SPATA13: variants seen among roughly 807,000 people sequenced by gnomAD.
The protein encoded by SPATA13 is spermatogenesis associated 13, also known as spermatogenesis-associated protein 13.
Under a neutral mutation model 104.0 loss-of-function variants are expected in SPATA13, and 50 were observed. The ratio of observed to expected loss-of-function variants is 0.48; its 90% confidence interval spans 0.38 to 0.61. The LOEUF is 0.61. Ranked by LOEUF, SPATA13 falls within the 20% of genes least tolerant of loss-of-function variation. The pLI is 0.00. For missense variants in SPATA13, 1,524 were observed against 1,690.6 expected (o/e 0.90, Z 1.73); for synonymous variants, 606 against 667.5 (o/e 0.91, Z 1.42).
chr13:24,066,113 C>A (rs1878954172), intron 3 of SPATA13, among the ~76,000 whole-genome samples: 1 of 152,118 alleles, frequency 6.6e-6, no homozygotes. Context: ...AAGGTACATA[C>A]CTATATTGTA....
Position 24,222,003 on chromosome 13 carries a change from A to G in SPATA13, c.-111-816A>G, listed in dbSNP as rs183458948. ...AATTTTTGAATTTTTAGTAGAGATG[A>G]GGTTTCATGATATTGGCCAGGCTGG... On this transcript the variant is annotated intron_variant, in intron 1 of 12. Coordinates refer to ENST00000382108, the MANE Select transcript of SPATA13 (RefSeq NM_001166271.3). 7.2e-5 allele frequency among the ~76,000 whole-genome samples: 11 copies of G among 151,982 alleles called. No individual in the cohort carries two copies. The East Asian group carries it at 1.9e-3, about 27-fold the overall frequency.
intron 3 of SPATA13, among the ~76,000 whole-genome samples, chr13:24,129,585 G>C (rs1181874079): frequency 6.6e-6 from 1 of 152,200 alleles, no homozygotes; most frequent in Non-Finnish European, 1.5e-5. Flanking sequence ...GCTGGTGCCT[G>C]CCTGAAGTCA....
intron 2 of SPATA13, among the ~76,000 whole-genome samples, chr13:24,246,239 A>G (rs556063471): frequency 4.6e-4 from 70 of 152,304 alleles, no homozygotes; most frequent in Non-Finnish European, 7.6e-4. Context: ...TTTTTATTAC[A>G]GGGCAATAAT....
chr13:24,062,912 G>A (rs1178638098), intron 3 of SPATA13, among the ~76,000 whole-genome samples: 6 of 152,126 alleles, frequency 3.9e-5, no homozygotes, highest in African/African-American at 1.2e-4. Context: ...GCATTCTGTG[G>A]TCATGATCCT....
At chr13:24,276,842 G>A (rs993368371) in intron 4 of SPATA13, among the ~76,000 whole-genome samples, 1 of 152,184 alleles carries the variant, frequency 6.6e-6, no homozygotes, top group African/African-American at 2.4e-5. Flanking sequence ...ACATGTAGAG[G>A]TGAAGAAGGC....
At chr13:24,118,979 T>C (rs1566110492) in intron 3 of SPATA13, among the ~76,000 whole-genome samples, 1 of 150,460 alleles carries the variant, frequency 6.6e-6, no homozygotes, top group Non-Finnish European at 1.5e-5. Flanking sequence ...GATCTCGGCT[T>C]ACTGCAACCT....
intron 4 of SPATA13, among the ~76,000 whole-genome samples, chr13:24,275,979 CA>C (rs1266382507): frequency 2.0e-5 from 3 of 152,134 alleles, no homozygotes; most frequent in Non-Finnish European, 1.5e-5. Flanking sequence ...ATTTTTTCAA[CA>C]AAAGAAACTA....
intron 3 of SPATA13, among the ~76,000 whole-genome samples, chr13:24,101,790 T>C (rs1310753365): frequency 6.6e-6 from 1 of 152,232 alleles, no homozygotes; most frequent in African/African-American, 2.4e-5. Context: ...ATGTCATCTG[T>C]GCTGTGGTAT....
chr13:24,219,084 C>G (rs1871427768), intron 1 of SPATA13, among the ~76,000 whole-genome samples: 1 of 150,826 alleles, frequency 6.6e-6, no homozygotes, highest in Non-Finnish European at 1.5e-5. Context: ...TCACAATATT[C>G]CTATCTGAAA....
intron 1 of SPATA13, among the ~76,000 whole-genome samples, chr13:24,218,834 A>G (rs796586731): frequency 3.5e-4 from 53 of 152,154 alleles, no homozygotes; most frequent in African/African-American, 1.2e-3. Context: ...CCTGATGTAC[A>G]TGATGAGTAT....
chr13:24,237,886 T>TATGC (rs1872644265), intron 2 of SPATA13, among the ~76,000 whole-genome samples: 1 of 85,226 alleles, frequency 1.2e-5, no homozygotes, highest in African/African-American at 4.1e-5. Flanking sequence ...ATATCATTTA[T>TATGC]AATATATAAA....
chr13:23,982,807 C>T (rs993855926), intron 1 of SPATA13, among the ~76,000 whole-genome samples: 5 of 152,104 alleles, frequency 3.3e-5, no homozygotes, highest in African/African-American at 1.2e-4. Context: ...ATCTTCTGAC[C>T]GTGTCACATG....
chr13:24,026,819 C>T (rs1489433149), intron 3 of SPATA13, among the ~76,000 whole-genome samples: 4 of 7,966 alleles, frequency 5.0e-4, no homozygotes, highest in Non-Finnish European at 1.2e-3. Context: ...CCTCGTGATC[C>T]GCCCTTGTGA....
chr13:24,286,534 T>G lies in SPATA13; in HGVS notation c.2481+141T>G, dbSNP rs1161338593. On this transcript the variant is annotated intron_variant, in intron 6 of 12. Transcript: ENST00000382108. This position sits in a 1 kb window ranked among gnomAD's most constrained non-coding sequence, Gnocchi z 4.9. Reference sequence around the variant, plus strand: ...AAGTCACACCTGTAAGAAATTAGGCTGGGTCGGAGCAAAAATGTTAAAGGC... The same window carrying G: ...AAGTCACACCTGTAAGAAATTAGGCGGGGTCGGAGCAAAAATGTTAAAGGC... 1.9e-6 allele frequency: 2 copies of G among 1,031,370 alleles called. No individual in the cohort carries two copies. Among genetic ancestry groups the G allele is most frequent in the African/African-American group, 3.3e-5 (2 of 61,516 alleles). The allele number at this position is 1,031,370 out of a possible 1,614,324, so 63.9% of individuals were successfully genotyped here. A position where few individuals can be genotyped will look rare whatever the true frequency, so the allele number is the denominator to read the frequency against.
intron 3 of SPATA13, among the ~76,000 whole-genome samples, chr13:24,116,777 C>CCCT (rs1880857524): frequency 6.6e-6 from 1 of 151,308 alleles, no homozygotes; most frequent in Non-Finnish European, 1.5e-5. Context: ...CAGCCCCCCC[C>CCCT]CCCCAATGTG....
intron 2 of SPATA13, among the ~76,000 whole-genome samples, chr13:23,987,219 C>G (rs1593258512): frequency 6.6e-6 from 1 of 152,162 alleles, no homozygotes; most frequent in East Asian, 1.9e-4. Flanking sequence ...GGTTTTCTTT[C>G]AGTGGTTGTG....
Position 24,249,829 on chromosome 13 carries a change from A to G in SPATA13, c.2006A>G (p.Asn669Ser). 1.2e-6 allele frequency: 2 copies of G among 1,604,746 alleles called. No individual in the cohort carries two copies. Among genetic ancestry groups the G allele is most frequent in the East Asian group, 2.2e-5 (1 of 44,812 alleles). ...ACCAACCAGACGGAGGAACTGGACA[A>G]TCTTCTGACCCAAGTAAGATCTGGT... The part of the protein sequence containing the change: ...YGTNQTEELD[N>S]LLTQPASRPP... The change falls in exon 3 of 13, where the codon AAT becomes AGT. Residue 669 changes from asparagine (N) to serine (S), a missense_variant. By Grantham distance (46) the Asn-to-Ser change is conservative. Around this residue, in one of 2 missense-constraint regions of SPATA13, gnomAD observed 1,089 missense variants for 1,135.9 expected, o/e 0.96. Coordinates refer to ENST00000382108, the MANE Select transcript of SPATA13 (RefSeq NM_001166271.3).
At chr13:24,145,873 G>C (rs557629402) in intron 3 of SPATA13, among the ~76,000 whole-genome samples, 5 of 152,336 alleles carry the variant, frequency 3.3e-5, no homozygotes, top group African/African-American at 1.2e-4. Context: ...GCTTGGAGGA[G>C]AGAGAGCTCT....
At chr13:24,023,038 C>T (rs1877057315) in intron 3 of SPATA13, among the ~76,000 whole-genome samples, 1 of 152,148 alleles carries the variant, frequency 6.6e-6, no homozygotes, top group South Asian at 2.1e-4. Context: ...CCGCTGCATC[C>T]TTCAACCCGT....
Sources: allele counts gnomAD v4.1 joint callset (sites outside exome capture counted in the v4.1 genomes callset), GRCh38; gene constraint gnomAD v4.1.1; regional missense constraint gnomAD v4.1.1; non-coding constraint Gnocchi (gnomAD v3.1); transcripts MANE v1.5; gene names NCBI Gene and HGNC (gene_info 2026-07-23, HGNC 2026-07-21).